Variants in PAPOLA observed in about 807,000 individuals in gnomAD.
PAPOLA encodes the protein polynucleotide adenylyltransferase alpha.
PAPOLA carries 15 observed loss-of-function variants against 100.6 expected under a neutral mutation model. The ratio of observed to expected loss-of-function variants is 0.15; its 90% CI spans 0.10 to 0.23. PAPOLA has a LOEUF of 0.23. Ranked by LOEUF, PAPOLA falls within the 10% of genes least tolerant of loss-of-function variation. PAPOLA has a pLI of 1.00. For missense variants in PAPOLA, 533 were observed against 884.2 expected (o/e 0.60, Z 5.04); for synonymous variants, 293 against 300.0 (o/e 0.98, Z 0.24).
At chr14:96,546,882 G>A (rs538789019) in intron 15 of PAPOLA, among the ~76,000 whole-genome samples, 1 of 152,144 alleles carries the variant, frequency 6.6e-6, no homozygotes, top group Admixed American at 6.5e-5. Context: ...ATTTTCTGCT[G>A]CTTAGGGCAT....
chr14:96,534,661 T>C (rs1483765188), intron 10 of PAPOLA, 98 bp downstream of exon 10: 210 of 1,592,030 alleles, frequency 1.3e-4, no homozygotes, highest in Non-Finnish European at 1.6e-4. Flanking sequence ...CTTTTACTTA[T>C]GAATGGTCAT....
intron 12 of PAPOLA, among the ~76,000 whole-genome samples, chr14:96,540,554 AT>A (rs1428118250): frequency 6.6e-6 from 1 of 151,930 alleles, no homozygotes; most frequent in Non-Finnish European, 1.5e-5. Flanking sequence ...AAAATACATG[AT>A]TTTTTAATGC....
At chr14:96,515,487 A>G (rs1403832699) in intron 1 of PAPOLA, among the ~76,000 whole-genome samples, 1 of 152,220 alleles carries the variant, frequency 6.6e-6, no homozygotes, top group African/African-American at 2.4e-5. Flanking sequence ...TTAGATGTGG[A>G]TGAAAAGGAA....
intron 3 of PAPOLA, among the ~76,000 whole-genome samples, chr14:96,521,625 G>C (rs955896176): frequency 1.3e-5 from 2 of 152,060 alleles, no homozygotes; most frequent in African/African-American, 4.8e-5. Flanking sequence ...CAAGTAGCTA[G>C]GACTATAGGC....
In PAPOLA at chr14:96,535,111, T is replaced by A. The variant is rs557324077; in HGVS notation, c.909+548T>A. ...TCTGTTTCTTGGGAAGTTACAACAT[T>A]TACCGCTTACTCATTTTAAATGTTA... On this transcript the variant is annotated intron_variant, in intron 10 of 21. Transcript: ENST00000216277. 5 of 979,310 alleles carry A rather than the reference T, an allele frequency of 5.1e-6. 1 individual carries two copies. In the South Asian group the frequency reaches 1.9e-4, roughly 37 times the overall value. 60.7% of individuals were successfully genotyped at this position (979,310 alleles called of 1,614,324 possible).
At chr14:96,562,144 G>A (rs760108601) in intron 20 of PAPOLA, among the ~76,000 whole-genome samples, 7 of 151,908 alleles carry the variant, frequency 4.6e-5, no homozygotes, top group Non-Finnish European at 1.0e-4. Flanking sequence ...TCCCCACCTC[G>A]GCCTCCCAAA....
intron 16 of PAPOLA, among the ~76,000 whole-genome samples, chr14:96,549,438 C>T (rs1315007615): frequency 6.6e-6 from 1 of 151,824 alleles, no homozygotes; most frequent in African/African-American, 2.4e-5. Context: ...TTAGTAGAGA[C>T]GGGGTTTCAC....
chr14:96,513,880 A>G (rs1179428372), intron 1 of PAPOLA, among the ~76,000 whole-genome samples: 1 of 152,156 alleles, frequency 6.6e-6, no homozygotes, highest in Non-Finnish European at 1.5e-5. Flanking sequence ...GAATATTTTG[A>G]TGTAAGTAAA....
At chr14:96,562,498 A>G (rs1901940810) in intron 20 of PAPOLA, 1 of 172,048 alleles carries the variant, frequency 5.8e-6, no homozygotes. Context: ...TTGTCTGGGC[A>G]ACATTTCATG....
chr14:96,506,115 G>T (rs907690428), intron 1 of PAPOLA, among the ~76,000 whole-genome samples: 4 of 152,110 alleles, frequency 2.6e-5, no homozygotes, highest in African/African-American at 9.7e-5. Flanking sequence ...TGTTGGCCAG[G>T]ATGGTCTCGA....
intron 16 of PAPOLA, 104 bp downstream of exon 16, chr14:96,548,022 T>C (rs1181535413): frequency 2.0e-5 from 19 of 962,160 alleles, no homozygotes; most frequent in Non-Finnish European, 2.3e-5. Flanking sequence ...TCATTTTAAA[T>C]AGATGACAGC....
chr14:96,552,647 G>C, intron 17 of PAPOLA, 25 bp downstream of exon 17: 1 of 1,600,428 alleles, frequency 6.2e-7, no homozygotes, highest in Non-Finnish European at 8.5e-7. Flanking sequence ...GGAAATAGAA[G>C]TGGAGGGGCT....
chr14:96,544,091 A>G, intron 14 of PAPOLA, 58 bp from the exon 15 acceptor site: 1 of 901,726 alleles, frequency 1.1e-6, no homozygotes, highest in Non-Finnish European at 1.8e-6. Context: ...TGTCAGCCAC[A>G]CTGATAGCTA....
chr14:96,557,507 C>T (rs1024214262), intron 19 of PAPOLA, among the ~76,000 whole-genome samples: 1 of 150,800 alleles, frequency 6.6e-6, no homozygotes, highest in Admixed American at 6.6e-5. Context: ...TGTTGTTTTC[C>T]AATCAGTGAG....
chr14:96,534,626 C>T lies in PAPOLA; in HGVS notation c.909+63C>T, dbSNP rs1222208455. ...TGCAATAACAAGTAAAAATCATCTGCATAAACTCCAGGGAGACTTCCAGCC... is the reference window on the plus strand; with the variant it reads ...TGCAATAACAAGTAAAAATCATCTGTATAAACTCCAGGGAGACTTCCAGCC... On this transcript the variant is annotated intron_variant, in intron 10 of 21. Transcript: ENST00000216277. The T allele has an allele frequency of 2.5e-6, 4 of 1,611,716 alleles. No homozygotes were observed. In the South Asian group the frequency reaches 4.4e-5, roughly 18 times the overall value.
intron 5 of PAPOLA, 25 bp from the exon 6 acceptor site, chr14:96,527,928 C>G: frequency 6.4e-7 from 1 of 1,570,868 alleles, no homozygotes; most frequent in Non-Finnish European, 8.8e-7. Context: ...TTCAGAGACC[C>G]TGAACTTGTT....
At chr14:96,509,788 A>G (rs1896981418) in intron 1 of PAPOLA, among the ~76,000 whole-genome samples, 1 of 152,214 alleles carries the variant, frequency 6.6e-6, no homozygotes, top group Non-Finnish European at 1.5e-5. Context: ...ATACGGTATT[A>G]TGCTGTTATG....
chr14:96,537,278 C>T, intron 12 of PAPOLA: 1 of 528,060 alleles, frequency 1.9e-6, no homozygotes, highest in East Asian at 3.1e-5. Flanking sequence ...TGAACTCCTG[C>T]TACATTTGTA....
chr14:96,525,408 T>G lies in PAPOLA; in HGVS notation c.331+17T>G, dbSNP rs370706783. 1.8e-6 allele frequency: 2 copies of G among 1,104,454 alleles called. No homozygotes were observed. Among genetic ancestry groups the G allele is most frequent in the African/African-American group, 3.2e-5 (2 of 62,340 alleles). 68.4% of individuals were successfully genotyped at this position (1,104,454 alleles called of 1,614,324 possible). A position where few individuals can be genotyped will look rare whatever the true frequency, so the allele number is the denominator to read the frequency against. On this transcript the variant is annotated intron_variant, in intron 4 of 21. Coordinates refer to ENST00000216277, the MANE Select transcript of PAPOLA (RefSeq NM_032632.5). ...ATACAAAAGGTAAGTATTATTTCAT[T>G]TTTCTTAGAAAGGGACCCTTTAGTT...
Sources: allele counts gnomAD v4.1 joint callset (sites outside exome capture counted in the v4.1 genomes callset), GRCh38; gene constraint gnomAD v4.1.1; transcripts MANE v1.5; gene names NCBI Gene and HGNC (gene_info 2026-07-23, HGNC 2026-07-21).